HNF1B: variants seen among roughly 807,000 people sequenced by gnomAD.
The protein encoded by HNF1B is hepatocyte nuclear factor 1-beta.
HNF1B carries 8 observed loss-of-function variants against 61.7 expected under a neutral mutation model. That is an observed-to-expected ratio of 0.13 (90% CI 0.08 to 0.23). The LOEUF (loss-of-function observed/expected upper bound fraction) is 0.23. Among genes scored for constraint, HNF1B ranks in the 10% least tolerant of loss-of-function variants. The pLI is 1.00. For missense variants in HNF1B, 562 were observed against 714.5 expected, an observed-to-expected ratio of 0.79 and a Z score of 2.43; for synonymous variants, 314 against 287.7, an observed-to-expected ratio of 1.09 and a Z score of -0.93.
At chr17:37,713,069 C>G (rs969627072) in intron 4 of HNF1B, among the ~76,000 whole-genome samples, 1 of 152,218 alleles carries the variant, frequency 6.6e-6, no homozygotes, top group Non-Finnish European at 1.5e-5. Flanking sequence ...TTGCTCTGTT[C>G]TTTTGGAGGA....
intron 2 of HNF1B, 58 bp downstream of exon 2, chr17:37,739,382 G>A: frequency 1.3e-6 from 2 of 1,505,200 alleles, no homozygotes; most frequent in Middle Eastern, 2.1e-4. Context: ...GGCAGCCAAT[G>A]GGGTGAGAGG....
chr17:37,725,532 A>G (rs745642236), intron 4 of HNF1B, among the ~76,000 whole-genome samples: 1 of 152,220 alleles, frequency 6.6e-6, no homozygotes, highest in African/African-American at 2.4e-5. Context: ...ATGACCTTCA[A>G]ATTCAAGAGA....
At chr17:37,712,531 T>A (rs1162292674) in intron 4 of HNF1B, among the ~76,000 whole-genome samples, 1 of 152,180 alleles carries the variant, frequency 6.6e-6, no homozygotes, top group Non-Finnish European at 1.5e-5. Context: ...AGAAAGAGAT[T>A]TGAACCTTAT....
At chr17:37,690,581 A>T (rs1454530867) in intron 8 of HNF1B, among the ~76,000 whole-genome samples, 1 of 152,096 alleles carries the variant, frequency 6.6e-6, no homozygotes, top group Non-Finnish European at 1.5e-5. Flanking sequence ...AGAAGAGGTC[A>T]GATTTAGGAT....
At chr17:37,701,654 T>G (rs2074428) in intron 6 of HNF1B, among the ~76,000 whole-genome samples, 69,426 of 151,954 alleles carry the variant, frequency 0.46, 16,951 homozygotes, top group African/African-American at 0.64. Flanking sequence ...TAAAAACAAC[T>G]TCCATAGTCC....
intron 3 of HNF1B, 29 bp from the exon 4 acceptor site, chr17:37,731,859 G>C: frequency 7.0e-7 from 1 of 1,432,596 alleles, no homozygotes; most frequent in Admixed American, 1.7e-5. Context: ...GAGATGGTGA[G>C]TGAGGGGGGG....
chr17:37,722,008 C>T (rs1472300625), intron 4 of HNF1B, among the ~76,000 whole-genome samples: 3 of 152,174 alleles, frequency 2.0e-5, no homozygotes, highest in Admixed American at 1.3e-4. Flanking sequence ...CCCCTCATCT[C>T]TCAATTCTGA....
chr17:37,703,112 G>T (rs760519836), intron 6 of HNF1B, among the ~76,000 whole-genome samples: 1 of 152,362 alleles, frequency 6.6e-6, no homozygotes, highest in South Asian at 2.1e-4. Flanking sequence ...CAACACATCA[G>T]TCAGTTAAAT....
chr17:37,706,593 C>T (rs2032756469), intron 5 of HNF1B, among the ~76,000 whole-genome samples: 1 of 150,206 alleles, frequency 6.7e-6, no homozygotes, highest in Admixed American at 6.7e-5. Context: ...TAGGGGGTCA[C>T]ATGACCAAGA....
intron 1 of HNF1B, among the ~76,000 whole-genome samples, chr17:37,744,155 G>A (rs1346278536): frequency 6.6e-6 from 1 of 152,230 alleles, no homozygotes; most frequent in East Asian, 1.9e-4. Context: ...CGCGGCCTGG[G>A]GCTTGCAGCG....
chr17:37,732,326 G>A (rs980959283), intron 3 of HNF1B, among the ~76,000 whole-genome samples: 1 of 152,176 alleles, frequency 6.6e-6, no homozygotes, highest in Non-Finnish European at 1.5e-5. Flanking sequence ...GCTGGGTGGG[G>A]TACAAAGCAG....
At chr17:37,722,794 T>G (rs1260784834) in intron 4 of HNF1B, among the ~76,000 whole-genome samples, 2 of 152,166 alleles carry the variant, frequency 1.3e-5, no homozygotes, top group East Asian at 3.9e-4. Flanking sequence ...AGCAGACGCA[T>G]GCTCACAGGT....
At chr17:37,705,859 T>A (rs982157059) in intron 5 of HNF1B, among the ~76,000 whole-genome samples, 8 of 152,236 alleles carry the variant, frequency 5.3e-5, no homozygotes, top group Non-Finnish European at 1.0e-4. Context: ...TTTCCAATGT[T>A]TTCCCATTAA....
chr17:37,730,691 C>G (rs556303499), intron 4 of HNF1B: 1 of 152,416 alleles, frequency 6.6e-6, no homozygotes, highest in African/African-American at 2.4e-5. Context: ...GAGTTAGAAA[C>G]AGTGTTTGGC....
At chr17:37,734,056 A>T (rs543933493) in intron 2 of HNF1B, among the ~76,000 whole-genome samples, 2 of 152,264 alleles carry the variant, frequency 1.3e-5, no homozygotes, top group East Asian at 3.9e-4. Context: ...AGGAGCTCAA[A>T]CATAGCCAGC....
chr17:37,718,425 C>A (rs73982521), intron 4 of HNF1B, among the ~76,000 whole-genome samples: 4,001 of 152,324 alleles, frequency 0.026, 166 homozygotes, highest in African/African-American at 0.092. Context: ...ATAACTTGGG[C>A]AGTCCTCACA....
intron 5 of HNF1B, among the ~76,000 whole-genome samples, chr17:37,706,902 C>A (rs1206110832): frequency 6.6e-6 from 1 of 152,198 alleles, no homozygotes; most frequent in East Asian, 1.9e-4. Flanking sequence ...GATAATGACA[C>A]AAGTAGGGCA....
At position 37,719,118 on chromosome 17, in the gene HNF1B, AT is replaced by A. The variant is rs2033220927; in HGVS notation, c.1046-8456del. 3.2e-3 allele frequency among the ~76,000 whole-genome samples: 481 copies of A among 151,244 alleles called. 2 individuals are homozygous for A. The highest frequency in any genetic ancestry group is 0.011 in the African/African-American group (460 of 41,212). ...CATGCCTGGCTAATTTATTAATATT[AT>A]TATTATTATTATTGTTATTATTATT... On this transcript the variant is annotated intron_variant, in intron 4 of 8. Coordinates refer to ENST00000617811, the MANE Select transcript of HNF1B (RefSeq NM_000458.4).
intron 8 of HNF1B, among the ~76,000 whole-genome samples, chr17:37,698,660 C>T (rs534974554): frequency 6.6e-6 from 1 of 152,252 alleles, no homozygotes; most frequent in African/African-American, 2.4e-5. Context: ...TCACTTTCTC[C>T]GCTGACTACT....
Sources: allele counts gnomAD v4.1 joint callset (sites outside exome capture counted in the v4.1 genomes callset), GRCh38; gene constraint gnomAD v4.1.1; transcripts MANE v1.5; gene names NCBI Gene and HGNC (gene_info 2026-07-23, HGNC 2026-07-21).